Variants in RAD52 observed in about 807,000 individuals in gnomAD.
RAD52 encodes the protein RAD52 DNA repair protein.
A neutral mutation model predicts 55.5 loss-of-function variants in RAD52; 47 were observed. That is an observed-to-expected ratio of 0.85 (90% confidence interval 0.67 to 1.08). The LOEUF (loss-of-function observed/expected upper bound fraction) is 1.08, where lower values mean the gene tolerates loss of function less well. Ranked by LOEUF, RAD52 falls within the 50% of genes least tolerant of loss-of-function variation. RAD52 has a pLI of 0.00. For synonymous variants in RAD52, 184 were observed against 198.9 expected (o/e 0.92, Z 0.63); for missense variants, 468 against 522.8 (o/e 0.90, Z 1.02).
intron 1 of RAD52, among the ~76,000 whole-genome samples, chr12:959,157 A>T (rs528137087): frequency 1.3e-5 from 2 of 152,288 alleles, no homozygotes; most frequent in South Asian, 4.1e-4. Context: ...GCATTATCTC[A>T]TTTAGTTCTC....
chr12:959,941 C>T (rs1035143804), intron 1 of RAD52, among the ~76,000 whole-genome samples: 5 of 152,118 alleles, frequency 3.3e-5, no homozygotes, highest in Non-Finnish European at 2.9e-5. Flanking sequence ...TATTTTAACA[C>T]TGGGCACAGC....
chr12:975,006 A>G (rs1958917073), intron 1 of RAD52: 1 of 152,232 alleles, frequency 6.6e-6, no homozygotes, highest in Non-Finnish European at 1.5e-5. Flanking sequence ...GTACAGTAAC[A>G]CATTTTGAGA....
chr12:983,263 T>C (rs535442913), intron 1 of RAD52, among the ~76,000 whole-genome samples: 1 of 152,276 alleles, frequency 6.6e-6, no homozygotes, highest in South Asian at 2.1e-4. Flanking sequence ...ACTCCACTTC[T>C]TGGCATAAAA....
intron 6 of RAD52, among the ~76,000 whole-genome samples, chr12:926,342 AAT>A (rs1356583048): frequency 2.6e-5 from 4 of 151,768 alleles, no homozygotes; most frequent in South Asian, 2.1e-4. Context: ...AAAAAAAAAA[AAT>A]TTTTTTTTAA....
chr12:926,962 T>G, intron 6 of RAD52, 183 bp downstream of exon 6: 1 of 1,550,618 alleles, frequency 6.4e-7, no homozygotes, highest in Non-Finnish European at 8.7e-7. Flanking sequence ...ACAGAAACAT[T>G]GAAAAAATAC....
intron 9 of RAD52, 91 bp from the exon 10 acceptor site, chr12:914,623 G>A: frequency 6.7e-7 from 1 of 1,497,760 alleles, no homozygotes; most frequent in Admixed American, 2.1e-5. Context: ...TTGTTAGAGG[G>A]AACACTCTCC....
At chr12:940,584 G>A (rs1365630625) in intron 1 of RAD52, among the ~76,000 whole-genome samples, 1 of 152,042 alleles carries the variant, frequency 6.6e-6, no homozygotes, top group African/African-American at 2.4e-5. Flanking sequence ...CTGCACTCCA[G>A]CCTGGAGACA....
At chr12:963,886 C>A (rs6489771) in intron 1 of RAD52, among the ~76,000 whole-genome samples, 116,125 of 151,940 alleles carry the variant, frequency 0.76, 44,735 homozygotes, top group South Asian at 0.84. Context: ...CAGCGGTACT[C>A]TTTCAAATGG....
At chr12:943,731 T>C (rs1958040946) in intron 1 of RAD52, among the ~76,000 whole-genome samples, 1 of 152,064 alleles carries the variant, frequency 6.6e-6, no homozygotes, top group Admixed American at 6.6e-5. Context: ...TAGAGTAGTC[T>C]GTGATTACAT....
At chr12:977,635 C>T (rs148648484) in intron 1 of RAD52, among the ~76,000 whole-genome samples, 23 of 152,292 alleles carry the variant, frequency 1.5e-4, no homozygotes, top group African/African-American at 4.3e-4. Flanking sequence ...GCCTATCTAC[C>T]CACTCTAACA....
At chr12:947,288 T>A (rs59943404) in intron 1 of RAD52, among the ~76,000 whole-genome samples, 2 of 151,574 alleles carry the variant, frequency 1.3e-5, no homozygotes, top group African/African-American at 2.4e-5. Flanking sequence ...ATCTCGCCAC[T>A]GCAGTCCAGC....
At chr12:913,528 T>C in intron 11 of RAD52, 76 bp from the exon 12 acceptor site, 1 of 1,114,094 alleles carries the variant, frequency 9.0e-7, no homozygotes, top group Non-Finnish European at 1.3e-6. Flanking sequence ...TTCTGGATTA[T>C]ATTAATGATC....
chr12:929,703 G>T, intron 5 of RAD52, 116 bp downstream of exon 5: 1 of 978,752 alleles, frequency 1.0e-6, no homozygotes, highest in Non-Finnish European at 1.7e-6. Context: ...GGGAACGCTG[G>T]CTGAGACACA....
At chr12:932,890 T>G in intron 2 of RAD52, 85 bp downstream of exon 2, 1 of 1,108,992 alleles carries the variant, frequency 9.0e-7, no homozygotes, top group Non-Finnish European at 1.3e-6. Context: ...TGCTCACACA[T>G]GTACTACGAT....
intron 1 of RAD52, among the ~76,000 whole-genome samples, chr12:936,073 G>A (rs1957609679): frequency 6.6e-6 from 1 of 151,938 alleles, no homozygotes; most frequent in Admixed American, 6.6e-5. Context: ...GGAGGCCCAG[G>A]CAGGTGGATA....
At chr12:939,736 C>T (rs1219868559) in intron 1 of RAD52, among the ~76,000 whole-genome samples, 1 of 152,194 alleles carries the variant, frequency 6.6e-6, no homozygotes, top group Non-Finnish European at 1.5e-5. Flanking sequence ...TCTTTAAGGA[C>T]AGCAAAGAGG....
intron 1 of RAD52, among the ~76,000 whole-genome samples, chr12:966,370 T>C (rs11614523): frequency 0.38 from 57,348 of 151,844 alleles, 11,350 homozygotes; most frequent in Non-Finnish European, 0.44. Flanking sequence ...TAATGGAATA[T>C]TCATGGCCAT....
chr12:933,906 G>C (rs997411439), intron 1 of RAD52, among the ~76,000 whole-genome samples: 3 of 151,928 alleles, frequency 2.0e-5, no homozygotes, highest in Non-Finnish European at 4.4e-5. Context: ...AGGACTGCTT[G>C]AGCCCAGGAG....
chr12:985,993 G>C (rs1444998964), intron 1 of RAD52, among the ~76,000 whole-genome samples: 2 of 136,372 alleles, frequency 1.5e-5, no homozygotes, highest in East Asian at 4.5e-4. Flanking sequence ...GGAGTGCAAT[G>C]GCGCAATCTC....
Sources: allele counts gnomAD v4.1 joint callset (sites outside exome capture counted in the v4.1 genomes callset), GRCh38; gene constraint gnomAD v4.1.1; transcripts MANE v1.5; gene names NCBI Gene and HGNC (gene_info 2026-07-23, HGNC 2026-07-21).